The following CHTF18 variants were observed in gnomAD, a reference collection of about 807,000 sequenced individuals.
The protein encoded by CHTF18 is chromosome transmission fidelity protein 18 homolog.
In CHTF18, 151 loss-of-function variants were observed where a neutral mutation model predicts 113.4. The observed-to-expected ratio is 1.33, with a 90% CI of 1.17 to 1.52. The LOEUF (loss-of-function observed/expected upper bound fraction) is 1.52, where lower values mean the gene tolerates loss of function less well. CHTF18 is among the 40% of genes most tolerant of loss of function. CHTF18 has a pLI of 0.00. For synonymous variants in CHTF18, 916 were observed against 598.8 expected, an observed-to-expected ratio of 1.53 and a Z score of -7.74; for missense variants, 1,982 against 1,381.6, an observed-to-expected ratio of 1.43 and a Z score of -6.89.
At chr16:793,803 G>T in intron 14 of CHTF18, 1 of 654,720 alleles carries the variant, frequency 1.5e-6, no homozygotes, top group Non-Finnish European at 2.7e-6. Context: ...TTTCCCTGGG[G>T]TCCCCTAACC....
chr16:793,844 G>A (rs1256007829), intron 14 of CHTF18: 1 of 642,240 alleles, frequency 1.6e-6, no homozygotes, highest in East Asian at 2.7e-5. Flanking sequence ...TCCTCTCAGA[G>A]TGGGGCTCCT....
chr16:789,163 G>A lies in CHTF18; in HGVS notation c.286+38G>A, dbSNP rs767356186. 1.0e-5 allele frequency: 16 copies of A among 1,549,878 alleles called. No individual in the cohort carries two copies. In the African/African-American group the frequency reaches 2.1e-4, roughly 20 times the overall value. On this transcript the variant is annotated intron_variant, in intron 2 of 21. Transcript: ENST00000262315. Reference sequence around the variant, plus strand: ...CATTGCCCCAGGGCCTCCGGAGTGGGCGCGAGGCTGAGGAGGCCTCTGGTT... The same window carrying A: ...CATTGCCCCAGGGCCTCCGGAGTGGACGCGAGGCTGAGGAGGCCTCTGGTT...
At chr16:792,640 G>T in intron 11 of CHTF18, 50 bp downstream of exon 11, 1 of 1,591,398 alleles carries the variant, frequency 6.3e-7, no homozygotes, top group Non-Finnish European at 8.5e-7. Flanking sequence ...GGTGCCTGGA[G>T]GGAGGGTTCC....
chr16:790,802 T>C (rs1419897000), intron 7 of CHTF18, 136 bp downstream of exon 7: 1 of 1,435,648 alleles, frequency 7.0e-7, no homozygotes, highest in African/African-American at 1.4e-5. Flanking sequence ...CCTTTTGAGT[T>C]GTAGGTGGTG....
Position 797,689 on chromosome 16 carries a change from A to C in CHTF18, c.2734-5A>C. 1 of 1,610,362 alleles carries C rather than the reference A, an allele frequency of 6.2e-7. No individual in the cohort carries two copies. The stretch of plus-strand genomic sequence containing the variant: ...ATACGACTGACTAGTCCTTCCTCCC[A>C]TCAGCCTGAGAAGGACTTCTTTGGA... On this transcript the variant is annotated splice_polypyrimidine_tract_variant and splice_region_variant and intron_variant, in intron 20 of 21. Transcript: ENST00000262315.
intron 20 of CHTF18, 118 bp from the exon 21 acceptor site, chr16:797,576 G>A: frequency 9.2e-7 from 1 of 1,086,594 alleles, no homozygotes; most frequent in East Asian, 2.5e-5. Flanking sequence ...GGTTCCGAAA[G>A]GTGTCTCAGA....
chr16:792,130 A>G (rs2151644171), intron 9 of CHTF18, 94 bp from the exon 10 acceptor site: 1 of 1,524,674 alleles, frequency 6.6e-7, no homozygotes, highest in Non-Finnish European at 8.8e-7. Context: ...GCGTCATGTG[A>G]CGGTCTCCAC....
At chr16:796,232 A>AG (rs199635077) in intron 18 of CHTF18, among the ~76,000 whole-genome samples, 155 bp downstream of exon 18, 5 of 152,294 alleles carry the variant, frequency 3.3e-5, no homozygotes, top group South Asian at 2.1e-4. Context: ...GTAACCGTGA[A>AG]GGGGGGTCAC....
In CHTF18 at chr16:797,887, C is replaced by G; in HGVS notation, c.2840C>G (p.Ala947Gly). The G allele has an allele frequency of 6.2e-7, 1 of 1,610,464 alleles. No individual in the cohort carries two copies. The highest frequency in any genetic ancestry group is 8.5e-7 in the Non-Finnish European group (1 of 1,178,982). ...TCAGTGGAGCGGCGCATGGGCACAG[C>G]GGTGGGCAGGAGCGAGGTCTGGTTC... ...QDSVERRMGT[A>G]VGRSEVWFRF... is the part of the protein sequence containing the mutation. The change falls in exon 22 of 22, where the codon GCG becomes GGG. Residue 947 changes from alanine to glycine, a missense_variant. Coordinates refer to ENST00000262315, the MANE Select transcript of CHTF18 (RefSeq NM_022092.3).
rs772053193 is a variant in CHTF18, at chr16:797,705, C to G, written c.2745C>G (p.Asp915Glu). The G allele has an allele frequency of 6.2e-7, 1 of 1,601,518 alleles. No individual in the cohort carries two copies. The highest frequency in any genetic ancestry group is 8.5e-7 in the Non-Finnish European group (1 of 1,177,920). Reference protein sequence around the residue: ...RAAREEQPEKDFFGRVVVRST... With the variant: ...RAAREEQPEKEFFGRVVVRST... ...CTTCCTCCCATCAGCCTGAGAAGGA[C>G]TTCTTTGGACGTGTGGTCGTCAGGA... is the stretch of plus-strand genomic sequence containing the variant. Residue 915 changes from aspartate to glutamate, a missense_variant, in exon 21 of 22, where the codon GAC becomes GAG. Physicochemically the swap from Asp to Glu is conservative, Grantham distance 45. Coordinates refer to ENST00000262315, the MANE Select transcript of CHTF18 (RefSeq NM_022092.3).
chr16:789,091 C>T lies in CHTF18; in HGVS notation c.252C>T (p.Asp84=), dbSNP rs1444734818. ...SQGGARKRQV[D]ADLQPAGSLP... ...GCGGCGCCAGGAAGAGGCAGGTGGA[C>T]GCCGACCTGCAGCCGGCCGGGTCCC... Residue 84 remains aspartate, a synonymous_variant, in exon 2 of 22, where the codon GAC becomes GAT. Coordinates refer to ENST00000262315, the MANE Select transcript of CHTF18 (RefSeq NM_022092.3). 10 of 1,532,350 alleles carry T rather than the reference C, an allele frequency of 6.5e-6. No individual in the cohort carries two copies. The highest frequency in any genetic ancestry group is 8.8e-6 in the Non-Finnish European group (10 of 1,137,938). The allele number at this position is 1,532,350 out of a possible 1,614,324, so 94.9% of individuals were successfully genotyped here.
In CHTF18 at chr16:790,565, G is replaced by A. The variant is rs759994987; in HGVS notation, c.793G>A (p.Ala265Thr). ...GEEEAAQPLG[A>T]PEEEPTDGQD... ...GGAGGAGGCAGCCCAGCCCTTGGGG[G>A]CCCCTGAGGAGGAGCCGACTGACGG... Residue 265 changes from alanine (A) to threonine (T), a missense_variant, in exon 7 of 22, where the codon GCC becomes ACC. Coordinates refer to ENST00000262315, the MANE Select transcript of CHTF18 (RefSeq NM_022092.3). 6.3e-7 allele frequency: 1 copy of A among 1,597,200 alleles called. No individual in the cohort carries two copies. Among genetic ancestry groups the A allele is most frequent in the Non-Finnish European group, 8.5e-7 (1 of 1,173,082 alleles).
At position 795,998 on chromosome 16, in the gene CHTF18, G is replaced by A; in HGVS notation, c.2377G>A (p.Val793Met). 6.2e-7 allele frequency: 1 copy of A among 1,608,480 alleles called. No homozygotes were observed. The highest frequency in any genetic ancestry group is 8.5e-7 in the Non-Finnish European group (1 of 1,178,078). The change falls in exon 18 of 22, where the codon GTG becomes ATG. Residue 793 changes from valine to methionine, a missense_variant. Val to Met is a conservative substitution (Grantham distance 21). Transcript: ENST00000262315. ...TREKQQLASL[V>M]GTMLAYSLTY... ...TGAAAAGCAACAGCTGGCCAGCCTG[G>A]TGGGCACGATGCTCGCTTACAGCCT...
Position 794,474 on chromosome 16 carries a change from C to T in CHTF18, c.1950+273C>T, listed in dbSNP as rs561137857. The stretch of plus-strand genomic sequence containing the variant: ...TCTGGTGGCTGCTTGGGACTCTCAG[C>T]GGGTTGGGGTGGAGCCCCTGCCGGA... On this transcript the variant is annotated intron_variant, in intron 15 of 21. Transcript: ENST00000262315. Among the ~76,000 whole-genome samples the T allele has an allele frequency of 4.1e-4, 62 of 151,810 alleles. 1 individual carries two copies. Among genetic ancestry groups the T allele is most frequent in the African/African-American group, 1.5e-3 (60 of 41,374 alleles).
At chr16:797,634 T>C in intron 20 of CHTF18, 60 bp from the exon 21 acceptor site, 1 of 1,563,762 alleles carries the variant, frequency 6.4e-7, no homozygotes. Context: ...CCTCCTGTCT[T>C]GGGTAGGGGC....
chr16:798,013 G>A lies in CHTF18; in HGVS notation c.*38G>A, dbSNP rs28396288. 0.034 allele frequency: 53,877 copies of A among 1,588,484 alleles called. 2,690 individuals carry two copies. The highest frequency in any genetic ancestry group is 0.19 in the African/African-American group (13,897 of 74,674). ...CGGACATGCCCTCGCATTGCTTCCCGCAGAGTGCAGAGACAGGAAGCTGGA... is the reference window on the plus strand; with the variant it reads ...CGGACATGCCCTCGCATTGCTTCCCACAGAGTGCAGAGACAGGAAGCTGGA... On this transcript the variant is annotated 3_prime_UTR_variant, in exon 22 of 22. Coordinates refer to ENST00000262315, the MANE Select transcript of CHTF18 (RefSeq NM_022092.3).
At chr16:790,075 T>G (rs1476263182) in intron 4 of CHTF18, 102 bp from the exon 5 acceptor site, 2 of 1,537,592 alleles carry the variant, frequency 1.3e-6, no homozygotes, top group South Asian at 1.2e-5. Flanking sequence ...CTGGCCAGCT[T>G]ACTGGGGTTG....
intron 14 of CHTF18, 58 bp downstream of exon 14, chr16:793,332 T>C (rs963832674): frequency 3.2e-5 from 50 of 1,579,100 alleles, no homozygotes; most frequent in East Asian, 4.6e-5. Flanking sequence ...CTCAGGACGC[T>C]AGCCCTGTGT....
rs1354499332 is a variant in CHTF18 at position 792,822 on chromosome 16, C to T, written c.1572+11C>T. 3.9e-6 allele frequency: 6 copies of T among 1,539,008 alleles called. No individual in the cohort carries two copies. The highest frequency in any genetic ancestry group is 1.2e-5 in the South Asian group (1 of 84,020). ...CAGCGGCTCCAGGAGGTCGGTGGAG[C>T]CCCAGGAGCCGTGTGGCTGATGGCG... On this transcript the variant is annotated intron_variant, in intron 12 of 21. Coordinates refer to ENST00000262315, the MANE Select transcript of CHTF18 (RefSeq NM_022092.3).
Sources: gnomAD v4.1 joint callset for allele counts (sites outside exome capture counted in the v4.1 genomes callset) on GRCh38, gnomAD v4.1.1 for gene constraint, MANE v1.5 for transcripts, NCBI Gene and HGNC (gene_info 2026-07-23, HGNC 2026-07-21) for gene names.